The following ASB3 variants were observed in gnomAD, a reference collection of about 807,000 sequenced individuals.
The protein encoded by ASB3 is ankyrin repeat and SOCS box containing 3.
ASB3 carries 41 observed loss-of-function variants against 54.5 expected under a neutral mutation model. That is an observed-to-expected ratio of 0.75 (90% CI 0.59 to 0.98). The LOEUF (loss-of-function observed/expected upper bound fraction) is 0.98, where lower values mean the gene tolerates loss of function less well. ASB3 is among the 50% of genes least tolerant of loss of function. The pLI, the probability that ASB3 is intolerant of heterozygous loss-of-function variation, is 0.00. For missense variants in ASB3, 733 were observed against 620.0 expected (o/e 1.18, Z -1.94); for synonymous variants, 266 against 221.2 (o/e 1.20, Z -1.80).
intron 7 of ASB3, among the ~76,000 whole-genome samples, chr2:53,703,996 C>A (rs1669629914): frequency 6.6e-6 from 1 of 152,062 alleles, no homozygotes; most frequent in Non-Finnish European, 1.5e-5. Context: ...TTACCTGGTA[C>A]CAGTATTGTG....
At chr2:53,746,963 A>G (rs754696621) in intron 3 of ASB3, among the ~76,000 whole-genome samples, 4 of 152,186 alleles carry the variant, frequency 2.6e-5, no homozygotes, top group East Asian at 1.9e-4. Flanking sequence ...ACTACTAAAA[A>G]TAAGTGATTT....
chr2:53,714,654 C>A, intron 6 of ASB3, 73 bp from the exon 7 acceptor site: 6 of 1,488,820 alleles, frequency 4.0e-6, no homozygotes, highest in Non-Finnish European at 5.5e-6. Context: ...TTCTATAGCA[C>A]AATTTTTTTC....
intron 3 of ASB3, among the ~76,000 whole-genome samples, chr2:53,749,419 A>G (rs933834254): frequency 6.6e-6 from 1 of 152,148 alleles, no homozygotes; most frequent in Non-Finnish European, 1.5e-5. Flanking sequence ...AGTTAAACAT[A>G]TATTTACCAT....
At chr2:53,677,937 A>G (rs1326902588) in intron 9 of ASB3, among the ~76,000 whole-genome samples, 2 of 152,186 alleles carry the variant, frequency 1.3e-5, no homozygotes, top group Non-Finnish European at 2.9e-5. Context: ...TGATAATTTT[A>G]TATTTGTCAG....
At chr2:53,682,539 C>T (rs778116464) in intron 9 of ASB3, among the ~76,000 whole-genome samples, 2 of 152,064 alleles carry the variant, frequency 1.3e-5, no homozygotes, top group Non-Finnish European at 1.5e-5. Flanking sequence ...TGCAGTGGTG[C>T]GATCTCGGCT....
intron 1 of ASB3, among the ~76,000 whole-genome samples, chr2:53,782,220 A>G (rs888875076): frequency 6.6e-6 from 1 of 152,112 alleles, no homozygotes; most frequent in Non-Finnish European, 1.5e-5. Flanking sequence ...TACTCACTCT[A>G]TGCAAGGCAA....
chr2:53,773,436 A>G (rs957175924), intron 1 of ASB3, among the ~76,000 whole-genome samples: 1 of 151,650 alleles, frequency 6.6e-6, no homozygotes, highest in Non-Finnish European at 1.5e-5. Flanking sequence ...ACTTTTATTT[A>G]TTTTTTATTT....
intron 1 of ASB3, chr2:53,774,729 A>G: frequency 2.3e-6 from 1 of 442,836 alleles, no homozygotes; most frequent in Non-Finnish European, 3.9e-6. Context: ...TCCTAACTTT[A>G]TGTTATTGAA....
chr2:53,715,590 T>C lies in ASB3; in HGVS notation c.782+976A>G, dbSNP rs192065701. ...TATCTAACACTTATGTTTAAATAAATGATCAAGAATTGGGGAAAATATCAA... is the reference window on the plus strand; with the variant it reads ...TATCTAACACTTATGTTTAAATAAACGATCAAGAATTGGGGAAAATATCAA... On this transcript the variant is annotated intron_variant, in intron 6 of 9. Transcript: ENST00000263634. 3.3e-5 allele frequency among the ~76,000 whole-genome samples: 5 copies of C among 152,252 alleles called. No homozygotes were observed. In the East Asian group the frequency reaches 9.6e-4, roughly 29 times the overall value.
At chr2:53,671,234 A>C (rs747128343) in intron 9 of ASB3, among the ~76,000 whole-genome samples, 13 of 152,162 alleles carry the variant, frequency 8.5e-5, no homozygotes, top group Non-Finnish European at 1.5e-4. Flanking sequence ...ATCTTCATTA[A>C]CTTCATGAAG....
intron 2 of ASB3, among the ~76,000 whole-genome samples, chr2:53,752,949 C>T (rs1468718958): frequency 6.6e-6 from 1 of 151,840 alleles, no homozygotes; most frequent in Non-Finnish European, 1.5e-5. Context: ...AGATGTTCTC[C>T]TCCACTTAAA....
rs892239136 is a variant in ASB3, at chr2:53,765,641, T to C, written c.-13-56A>G. ...AGTCAATAAAACAACACTTCACTCCTAGAGGTCAGCAAATCACGGTGGGCC... is the reference window on the plus strand; with the variant it reads ...AGTCAATAAAACAACACTTCACTCCCAGAGGTCAGCAAATCACGGTGGGCC... On this transcript the variant is annotated intron_variant, in intron 1 of 9. Transcript: ENST00000263634. 3.7e-6 allele frequency: 6 copies of C among 1,600,262 alleles called. No individual in the cohort carries two copies. The African/African-American group carries it at 8.0e-5, about 21-fold the overall frequency.
At chr2:53,715,773 C>G (rs1469665959) in intron 6 of ASB3, among the ~76,000 whole-genome samples, 1 of 152,068 alleles carries the variant, frequency 6.6e-6, no homozygotes, top group African/African-American at 2.4e-5. Flanking sequence ...ACTGTGTCAC[C>G]TAGTGGCATA....
chr2:53,737,068 T>C (rs1671678208), intron 3 of ASB3, among the ~76,000 whole-genome samples: 1 of 152,206 alleles, frequency 6.6e-6, no homozygotes, highest in African/African-American at 2.4e-5. Flanking sequence ...TTCAGAATTA[T>C]ACTTTGGGAT....
At chr2:53,759,915 A>C (rs2104059905) in intron 2 of ASB3, among the ~76,000 whole-genome samples, 1 of 152,096 alleles carries the variant, frequency 6.6e-6, no homozygotes, top group East Asian at 1.9e-4. Context: ...GGTATGCTTG[A>C]TCATTGAGGG....
intron 1 of ASB3, chr2:53,774,208 G>C (rs771917457): frequency 1.2e-5 from 20 of 1,613,728 alleles, no homozygotes; most frequent in Non-Finnish European, 1.5e-5. Flanking sequence ...AGCATACCTT[G>C]ACTTCAGAGA....
chr2:53,763,364 A>G (rs1426054993), intron 2 of ASB3: 1 of 166,560 alleles, frequency 6.0e-6, no homozygotes, highest in African/African-American at 2.4e-5. Context: ...GTCTCAGAAA[A>G]AAAGGAAATA....
intron 2 of ASB3, among the ~76,000 whole-genome samples, chr2:53,751,731 A>G (rs1672525978): frequency 1.3e-5 from 2 of 152,204 alleles, no homozygotes; most frequent in African/African-American, 4.8e-5. Context: ...AAATGCTCCT[A>G]ACTAGTTATC....
intron 1 of ASB3, among the ~76,000 whole-genome samples, chr2:53,773,075 G>A (rs1029128781): frequency 6.6e-6 from 1 of 152,064 alleles, no homozygotes; most frequent in Non-Finnish European, 1.5e-5. Flanking sequence ...GTTAGTAATG[G>A]CAGATAAATA....
Sources: gnomAD v4.1 joint callset for allele counts (sites outside exome capture counted in the v4.1 genomes callset) on GRCh38, gnomAD v4.1.1 for gene constraint, MANE v1.5 for transcripts, NCBI Gene and HGNC (gene_info 2026-07-23, HGNC 2026-07-21) for gene names.